Variants in CADPS2 observed in about 807,000 individuals in gnomAD.
CADPS2 encodes the protein calcium-dependent secretion activator 2.
CADPS2 carries 93 observed loss-of-function variants against 172.5 expected under a neutral mutation model. That is an observed-to-expected ratio of 0.54 (90% CI 0.46 to 0.64). CADPS2 has a LOEUF of 0.64. CADPS2 is among the 30% of genes least tolerant of loss of function. The probability of loss-of-function intolerance (pLI) is 0.00; values close to 1 mark genes in which losing one functional copy is unlikely to be tolerated. For synonymous variants in CADPS2, 546 were observed against 555.2 expected, an observed-to-expected ratio of 0.98 and a Z score of 0.23; for missense variants, 1,420 against 1,565.9, an observed-to-expected ratio of 0.91 and a Z score of 1.57.
At chr7:122,877,571 T>A (rs1467853804) in intron 1 of CADPS2, among the ~76,000 whole-genome samples, 3 of 152,126 alleles carry the variant, frequency 2.0e-5, no homozygotes, top group Non-Finnish European at 4.4e-5. Flanking sequence ...AAAAAAAAGC[T>A]TCCCATTTAT....
chr7:122,561,814 T>A (rs887030089), intron 7 of CADPS2, among the ~76,000 whole-genome samples: 8 of 152,126 alleles, frequency 5.3e-5, no homozygotes, highest in Admixed American at 1.3e-4. Flanking sequence ...GTTACCATTT[T>A]AAAAAAATCT....
intron 24 of CADPS2, among the ~76,000 whole-genome samples, chr7:122,379,906 A>G (rs1052994885): frequency 5.9e-5 from 9 of 152,120 alleles, no homozygotes; most frequent in African/African-American, 9.7e-5. Context: ...CCAATTGTTC[A>G]CTCTAAAAGG....
intron 29 of CADPS2, among the ~76,000 whole-genome samples, chr7:122,323,874 TATATA>T (rs1474220149): frequency 1.6e-3 from 24 of 14,998 alleles, no homozygotes; most frequent in African/African-American, 7.7e-3. Flanking sequence ...ATGTATATTT[TATATA>T]TATATATATA....
At chr7:122,364,095 A>G (rs1463277998) in intron 25 of CADPS2, among the ~76,000 whole-genome samples, 1 of 152,160 alleles carries the variant, frequency 6.6e-6, no homozygotes, top group Non-Finnish European at 1.5e-5. Context: ...GTGATACGCC[A>G]TATGCAATGT....
intron 9 of CADPS2, among the ~76,000 whole-genome samples, chr7:122,506,752 CT>C (rs1230363117): frequency 1.4e-5 from 2 of 146,174 alleles, no homozygotes; most frequent in Admixed American, 6.8e-5. Context: ...AACAAACAAA[CT>C]ACACCAGAGC....
intron 5 of CADPS2, among the ~76,000 whole-genome samples, chr7:122,620,489 T>C (rs1043031887): frequency 6.6e-6 from 1 of 152,158 alleles, no homozygotes; most frequent in Admixed American, 6.6e-5. Flanking sequence ...TAAGCCCACA[T>C]ACACACATCA....
chr7:122,460,743 C>G (rs186941715), intron 14 of CADPS2, among the ~76,000 whole-genome samples: 114 of 151,422 alleles, frequency 7.5e-4, no homozygotes, highest in African/African-American at 2.7e-3. Flanking sequence ...GGAATCAAAC[C>G]AAGAAAGGAA....
At chr7:122,882,476 A>G (rs963955006) in intron 1 of CADPS2, among the ~76,000 whole-genome samples, 2 of 152,174 alleles carry the variant, frequency 1.3e-5, no homozygotes, top group Non-Finnish European at 2.9e-5. Context: ...CAGCACTTTA[A>G]GCCATATACA....
chr7:122,329,632 C>A (rs1436322001), intron 28 of CADPS2, among the ~76,000 whole-genome samples: 1 of 152,182 alleles, frequency 6.6e-6, no homozygotes, highest in East Asian at 1.9e-4. Context: ...CACAACTCTC[C>A]TTTTTACCTA....
chr7:122,452,897 G>A (rs1489498812), intron 14 of CADPS2, among the ~76,000 whole-genome samples: 1 of 152,098 alleles, frequency 6.6e-6, no homozygotes, highest in African/African-American at 2.4e-5. Flanking sequence ...ATGTATGTGT[G>A]TGTGTATATA....
At chr7:122,772,903 G>A (rs932989111) in intron 1 of CADPS2, among the ~76,000 whole-genome samples, 1 of 152,076 alleles carries the variant, frequency 6.6e-6, no homozygotes, top group African/African-American at 2.4e-5. Context: ...AGGCAAAGGA[G>A]ATGACAAAAA....
chr7:122,498,415 T>C (rs1339727088), intron 9 of CADPS2, among the ~76,000 whole-genome samples: 1 of 152,226 alleles, frequency 6.6e-6, no homozygotes, highest in East Asian at 1.9e-4. Context: ...CCATTATCTG[T>C]TTAAATGTTG....
rs971192368 is a variant in CADPS2, at chr7:122,351,997, T to C, written c.3505-6316A>G. On this transcript the variant is annotated intron_variant, in intron 27 of 29. Transcript: ENST00000449022. The stretch of plus-strand genomic sequence containing the variant: ...AATACTGAATGATAGTTTAAGATAT[T>C]AGCCTGAACTACTCAAGGGGACAAG... 2.0e-5 allele frequency among the ~76,000 whole-genome samples: 3 copies of C among 152,200 alleles called. No homozygotes were observed. In the South Asian group the frequency reaches 6.2e-4, roughly 32 times the overall value.
At chr7:122,860,188 G>A (rs955454905) in intron 1 of CADPS2, among the ~76,000 whole-genome samples, 18 of 152,150 alleles carry the variant, frequency 1.2e-4, no homozygotes, top group African/African-American at 4.3e-4. Flanking sequence ...AAGGTTGGAA[G>A]GATGTGCTCC....
intron 8 of CADPS2, among the ~76,000 whole-genome samples, chr7:122,551,069 G>A (rs952167865): frequency 6.6e-5 from 10 of 151,866 alleles, no homozygotes; most frequent in South Asian, 4.2e-4. Flanking sequence ...ATATATAGTC[G>A]TGGACTGATT....
intron 8 of CADPS2, among the ~76,000 whole-genome samples, chr7:122,517,149 T>C (rs183964491): frequency 6.6e-6 from 1 of 152,318 alleles, no homozygotes; most frequent in Admixed American, 6.5e-5. Flanking sequence ...TTATTCAGTA[T>C]GTAGCCTTTC....
intron 1 of CADPS2, among the ~76,000 whole-genome samples, chr7:122,815,287 C>T (rs1801039239): frequency 1.3e-5 from 2 of 152,082 alleles, no homozygotes; most frequent in Admixed American, 1.3e-4. Context: ...CTAACCAAAA[C>T]AAAAATGTTA....
Position 122,407,681 on chromosome 7 carries a change from G to C in CADPS2, c.2605C>G (p.Pro869Ala). The change falls in exon 20 of 30, where the codon CCT becomes GCT. Residue 869 changes from proline to alanine, a missense_variant. By Grantham distance (27) the Pro-to-Ala change is conservative. Transcript: ENST00000449022. ...AEGREAFAWW[P>A]DLLAEHAEKF... ...TCTGCATGTTCAGCCAATAAATCAG[G>C]CCACCAGGCAAATGCCTACAAAAGG... 1.2e-6 allele frequency: 2 copies of C among 1,609,634 alleles called. No homozygotes were observed. Among genetic ancestry groups the C allele is most frequent in the Non-Finnish European group, 1.7e-6 (2 of 1,178,000 alleles).
chr7:122,512,654 T>TGGCATATTTGCATTAAATGGC (rs2060085282), intron 9 of CADPS2, among the ~76,000 whole-genome samples: 1 of 152,124 alleles, frequency 6.6e-6, no homozygotes, highest in Non-Finnish European at 1.5e-5. Flanking sequence ...GTACTAAATG[T>TGGCATATTTGCATTAAATGGC]GGCATATTTG....
Sources: allele counts gnomAD v4.1 joint callset (sites outside exome capture counted in the v4.1 genomes callset), GRCh38; gene constraint gnomAD v4.1.1; transcripts MANE v1.5; gene names NCBI Gene and HGNC (gene_info 2026-07-23, HGNC 2026-07-21).